The following ZNF177 variants were observed in gnomAD, a reference collection of about 807,000 sequenced individuals.
The protein encoded by ZNF177 is zinc finger protein 177.
ZNF177 carries 17 observed loss-of-function variants against 19.4 expected under a neutral mutation model. The observed-to-expected ratio is 0.87, with a 90% CI of 0.60 to 1.31. ZNF177 has a LOEUF of 1.31. ZNF177 is among the 40% of genes most tolerant of loss of function. ZNF177 has a pLI of 0.00. For missense variants in ZNF177, 633 were observed against 561.8 expected, an observed-to-expected ratio of 1.13 and a Z score of -1.28; for synonymous variants, 220 against 188.7, an observed-to-expected ratio of 1.17 and a Z score of -1.36.
Position 9,380,139 on chromosome 19 carries a change from G to A in ZNF177, c.336G>A (p.Thr112=), listed in dbSNP as rs752207036. 1.9e-6 allele frequency: 3 copies of A among 1,604,260 alleles called. No homozygotes were observed. The South Asian group carries it at 3.4e-5, about 18-fold the overall frequency. The change falls in exon 5 of 6, where the codon ACG becomes ACA. Residue 112 remains threonine (T), a splice_region_variant and synonymous_variant. Transcript: ENST00000589262. ...GAAAAACATCCAATGGCATAAACAC[G>A]GTAAGACTTACTAGGAAGTATTCCT...
At chr19:9,368,134 A>G (rs558669241) in intron 2 of ZNF177, among the ~76,000 whole-genome samples, 22 of 152,316 alleles carry the variant, frequency 1.4e-4, no homozygotes, top group Non-Finnish European at 2.8e-4. Context: ...TTTTAAAAGA[A>G]TATCTGGGCA....
chr19:9,367,050 G>A (rs1568380271), intron 2 of ZNF177, among the ~76,000 whole-genome samples: 1 of 152,218 alleles, frequency 6.6e-6, no homozygotes, highest in Non-Finnish European at 1.5e-5. Context: ...GCTGGGCGTG[G>A]TGGCTCACGC....
chr19:9,367,322 AT>A (rs1172969311), intron 2 of ZNF177, among the ~76,000 whole-genome samples: 2 of 152,138 alleles, frequency 1.3e-5, no homozygotes, highest in Admixed American at 1.3e-4. Flanking sequence ...CAAAAAAAAA[AT>A]AAAAATAAAA....
chr19:9,373,688 T>G (rs2068075572), upstream of ZNF177, among the ~76,000 whole-genome samples: 1 of 152,198 alleles, frequency 6.6e-6, no homozygotes, highest in African/African-American at 2.4e-5. Flanking sequence ...ACGTCCCTAA[T>G]AATGTGATGT....
exon 6 of ZNF177, chr19:9,381,588 T>C: frequency 6.2e-7 from 1 of 1,614,172 alleles, no homozygotes; most frequent in Non-Finnish European, 8.5e-7. Context: ...GAACTCACAC[T>C]GGTGAGAAAA....
At chr19:9,371,018 C>T (rs147693951) in intron 2 of ZNF177, among the ~76,000 whole-genome samples, 120 of 152,266 alleles carry the variant, frequency 7.9e-4, no homozygotes, top group African/African-American at 2.8e-3. Flanking sequence ...AGTAGCTATC[C>T]GTACATGATT....
chr19:9,381,854 T>A (rs2068208616), exon 6 of ZNF177: 1 of 1,514,364 alleles, frequency 6.6e-7, no homozygotes, highest in East Asian at 2.3e-5. Context: ...GAAGCCCTGT[T>A]ATGGTCACCT....
chr19:9,379,997 C>G, intron 4 of ZNF177, 60 bp from the exon 7 acceptor site: 1 of 1,573,300 alleles, frequency 6.4e-7, no homozygotes, highest in Non-Finnish European at 8.6e-7. Context: ...GTCTCCCTCC[C>G]TTTTTCTTTG....
chr19:9,380,245 G>A, intron 5 of ZNF177, 106 bp downstream of exon 7: 2 of 1,308,592 alleles, frequency 1.5e-6, no homozygotes, highest in Non-Finnish European at 2.0e-6. Flanking sequence ...CAGGCACCAG[G>A]CTTTCACCAG....
chr19:9,375,979 T>C (rs958130328), upstream of ZNF177, among the ~76,000 whole-genome samples: 1 of 152,218 alleles, frequency 6.6e-6, no homozygotes, highest in African/African-American at 2.4e-5. Flanking sequence ...CTTGCTCTCT[T>C]TGGTTTCCAT....
intron 1 of ZNF177, among the ~76,000 whole-genome samples, chr19:9,377,939 A>G (rs928732344): frequency 5.9e-5 from 9 of 152,100 alleles, no homozygotes; most frequent in Admixed American, 3.3e-4. Flanking sequence ...AGACTCAGCT[A>G]TTTCTCCAGT....
At chr19:9,377,059 C>T (rs753795642) in intron 1 of ZNF177, among the ~76,000 whole-genome samples, 18 of 152,252 alleles carry the variant, frequency 1.2e-4, no homozygotes, top group Non-Finnish European at 2.4e-4. Flanking sequence ...GTTGGCAGTA[C>T]AGTCATGCAC....
intron 3 of ZNF177, 117 bp downstream of exon 5, chr19:9,379,205 T>C (rs1341421414): frequency 7.0e-7 from 1 of 1,432,560 alleles, no homozygotes. Flanking sequence ...AAATGAATGG[T>C]CCCTGCCCTT....
chr19:9,378,211 G>A (rs1356307096), intron 1 of ZNF177, 48 bp from the exon 4 acceptor site: 33 of 1,510,902 alleles, frequency 2.2e-5, no homozygotes, highest in Non-Finnish European at 2.9e-5. Flanking sequence ...TGCTAGTGTT[G>A]AACATCTAGC....
upstream of ZNF177, among the ~76,000 whole-genome samples, chr19:9,373,042 T>G (rs2068067347): frequency 6.6e-6 from 1 of 152,210 alleles, no homozygotes; most frequent in South Asian, 2.1e-4. Context: ...TTGGAAAATT[T>G]CAAATATACA....
intron 4 of ZNF177, among the ~76,000 whole-genome samples, chr19:9,379,852 CA>C (rs1478243588): frequency 5.8e-5 from 4 of 69,064 alleles, no homozygotes; most frequent in Admixed American, 4.6e-4. Context: ...TCTTATTTCC[CA>C]ACCTCCACAA....
chr19:9,375,645 T>C (rs971175489), upstream of ZNF177, among the ~76,000 whole-genome samples: 1 of 152,170 alleles, frequency 6.6e-6, no homozygotes, highest in Non-Finnish European at 1.5e-5. Context: ...CATGATCCTT[T>C]ATATTTCTGT....
rs73011853 is a variant in ZNF177, at chr19:9,363,615, G to A, written c.-392+531G>A. ...TTTATTTTTGAAAGTCAAGTTGTTG[G>A]GTCAAAGCATAAATGAATGTGTAAT... On this transcript the variant is annotated intron_variant, in intron 1 of 8. Coordinates refer to the ZNF177 transcript ENST00000343499. Among the ~76,000 whole-genome samples, 733 of 152,160 alleles carry A rather than the reference G, an allele frequency of 4.8e-3. 2 individuals are homozygous for A. The highest frequency in any genetic ancestry group is 0.014 in the Middle Eastern group (4 of 294).
chr19:9,379,634 G>C lies in ZNF177; in HGVS notation c.253+15G>C. On this transcript the variant is annotated intron_variant, in intron 4 of 5. Transcript: ENST00000589262. ...TGACTGTGCAGGTGAGCCTTGGGCA[G>C]AACAGGGTGCAGCCTTGGCCAGTGA... is the stretch of plus-strand genomic sequence containing the variant. 1 of 1,612,516 alleles carries C rather than the reference G, an allele frequency of 6.2e-7. No individual in the cohort carries two copies. The highest frequency in any genetic ancestry group is 8.5e-7 in the Non-Finnish European group (1 of 1,179,358).
Sources: gnomAD v4.1 joint callset for allele counts (sites outside exome capture counted in the v4.1 genomes callset) on GRCh38, gnomAD v4.1.1 for gene constraint, MANE v1.5 for transcripts, NCBI Gene and HGNC (gene_info 2026-07-23, HGNC 2026-07-21) for gene names.